Variants in GK3 observed in about 807,000 individuals in gnomAD.
GK3 encodes glycerol kinase 3 pseudogene.
the GK3 span, chr4:165,278,514 C>T: frequency 6.2e-7 from 1 of 1,608,520 alleles, no homozygotes; most frequent in African/African-American, 1.3e-5. Context: ...CAGATTATCC[C>T]TCTTGCGCTG....
chr4:165,278,600 G>T, the GK3 span: 6 of 1,601,820 alleles, frequency 3.7e-6, no homozygotes, highest in Non-Finnish European at 5.1e-6. Context: ...TACTTCTTTA[G>T]CAAGTTTTTC....
chr4:165,278,365 T>C, the GK3 span: 1 of 1,280,718 alleles, frequency 7.8e-7, no homozygotes, highest in Non-Finnish European at 1.1e-6. Flanking sequence ...TGCTGGTCAT[T>C]CCTCCATCAA....
the GK3 span, chr4:165,278,781 T>C: frequency 1.0e-4 from 157 of 1,548,834 alleles, no homozygotes; most frequent in East Asian, 2.5e-3. Flanking sequence ...TTATGGCCTG[T>C]ATTACATAGT....
the GK3 span, chr4:165,279,145 G>A: frequency 3.7e-6 from 6 of 1,602,198 alleles, no homozygotes; most frequent in East Asian, 2.2e-5. Flanking sequence ...TTTCTTCAAC[G>A]GCCTTTTGAA....
At chr4:165,277,981 G>A in the GK3 span, 1 of 1,256,500 alleles carries the variant, frequency 8.0e-7, no homozygotes, top group Non-Finnish European at 1.2e-6. Flanking sequence ...GAGTTGGTAG[G>A]TTTTATGGAA....
At chr4:165,279,687 T>G in the GK3 span, 1 of 1,545,284 alleles carries the variant, frequency 6.5e-7, no homozygotes, top group Non-Finnish European at 9.0e-7. Flanking sequence ...GCCGGTTTCC[T>G]GGGTGACGGC....
the GK3 span, chr4:165,278,908 C>G: frequency 2.4e-5 from 34 of 1,406,682 alleles, no homozygotes; most frequent in South Asian, 2.8e-4. Flanking sequence ...CTTCCAAGGC[C>G]CCCGCTTTCA....
chr4:165,278,751 C>G, the GK3 span: 51 of 1,584,556 alleles, frequency 3.2e-5, no homozygotes, highest in Non-Finnish European at 4.3e-5. Context: ...GTGAGAAGGC[C>G]ATGATCAGAA....
chr4:165,278,552 G>A, the GK3 span: 18 of 1,610,916 alleles, frequency 1.1e-5, no homozygotes, highest in South Asian at 7.7e-5. Flanking sequence ...ATATAACCCC[G>A]AAAATGCTGG....
the GK3 span, chr4:165,279,422 A>G: frequency 6.3e-7 from 1 of 1,599,378 alleles, no homozygotes; most frequent in Middle Eastern, 1.7e-4. Context: ...GAGCTGTCCA[A>G]GTTTCTCACA....
chr4:165,278,140 T>C, the GK3 span: 33 of 1,529,316 alleles, frequency 2.2e-5, no homozygotes, highest in Admixed American at 3.5e-4. Flanking sequence ...CTTTCTTCCA[T>C]GTAGAATAAC....
chr4:165,278,907 C>T, the GK3 span: 2 of 1,400,396 alleles, frequency 1.4e-6, no homozygotes. Context: ...CCTTCCAAGG[C>T]CCCCGCTTTC....
chr4:165,278,318 T>C, the GK3 span: 1 of 1,100,674 alleles, frequency 9.1e-7, no homozygotes, highest in Non-Finnish European at 1.4e-6. Context: ...TACTGGAATA[T>C]ACAGAATGTC....
At chr4:165,278,154 T>G in the GK3 span, 1 of 1,485,108 alleles carries the variant, frequency 6.7e-7, no homozygotes, top group Middle Eastern at 1.7e-4. Flanking sequence ...GAATAACGAA[T>G]TTCACTTTCC....
the GK3 span, chr4:165,279,000 C>T: frequency 1.2e-5 from 18 of 1,495,338 alleles, 1 homozygote; most frequent in Middle Eastern, 1.5e-3. Context: ...AGTTGTTTAT[C>T]CCATTCCAAA....
the GK3 span, chr4:165,279,640 T>C: frequency 2.5e-6 from 4 of 1,611,210 alleles, no homozygotes; most frequent in South Asian, 3.3e-5. Flanking sequence ...TCTTTGAGGC[T>C]GCCATGAAAC....
chr4:165,279,570 A>G, the GK3 span: 1 of 1,600,186 alleles, frequency 6.2e-7, no homozygotes, highest in African/African-American at 1.3e-5. Context: ...TTGAAAACCA[A>G]AAAGCGCGTG....
At chr4:165,278,521 G>A in the GK3 span, 76 of 1,607,808 alleles carry the variant, frequency 4.7e-5, no homozygotes, top group Non-Finnish European at 5.7e-5. Flanking sequence ...TCCCTCTTGC[G>A]CTGGGCTCCC....
the GK3 span, chr4:165,278,000 A>G: frequency 7.1e-7 from 1 of 1,411,480 alleles, no homozygotes; most frequent in Non-Finnish European, 1.0e-6. Context: ...AATACCTGAG[A>G]TGTACCTTGC....
Sources: allele counts gnomAD v4.1 joint callset, GRCh38; gene constraint gnomAD v4.1.1; transcripts MANE v1.5; gene names NCBI Gene and HGNC (gene_info 2026-07-23, HGNC 2026-07-21).